Variants in DIAPH3 observed in about 807,000 individuals in gnomAD.
DIAPH3 encodes protein diaphanous homolog 3.
In DIAPH3, 117 loss-of-function variants were observed where a neutral mutation model predicts 144.3. The ratio of observed to expected loss-of-function variants is 0.81; its 90% CI spans 0.70 to 0.95. DIAPH3 has a LOEUF of 0.95. Among genes scored for constraint, DIAPH3 ranks in the 40% least tolerant of loss-of-function variants. DIAPH3 has a pLI of 0.00. For synonymous variants in DIAPH3, 519 were observed against 488.9 expected (o/e 1.06, Z -0.81); for missense variants, 1,421 against 1,412.7 (o/e 1.01, Z -0.09).
Position 60,093,860 on chromosome 13 carries a change from G to GAA in DIAPH3, c.391-129_391-128insTT. 4 of 688,430 alleles carry GAA rather than the reference G, an allele frequency of 5.8e-6. No homozygotes were observed. The South Asian group carries it at 6.5e-5, about 11-fold the overall frequency. 42.6% of individuals were successfully genotyped at this position (688,430 alleles called of 1,614,324 possible). Reference sequence around the variant, plus strand: ...TTAATTGTTTTGGAATGATTTACGTGTAGTTCTGCCTGAAGGAAGGAGAGA... The same window carrying GAA: ...TTAATTGTTTTGGAATGATTTACGTGAATAGTTCTGCCTGAAGGAAGGAGAGA... On this transcript the variant is annotated intron_variant, in intron 3 of 27. Coordinates refer to ENST00000400324, the MANE Select transcript of DIAPH3 (RefSeq NM_001042517.2).
At chr13:59,714,007 G>T (rs1012818918) in intron 27 of DIAPH3, among the ~76,000 whole-genome samples, 4 of 152,156 alleles carry the variant, frequency 2.6e-5, no homozygotes, top group Non-Finnish European at 5.9e-5. Flanking sequence ...CTTGATGATA[G>T]GAGTTAGAGA....
chr13:59,851,651 T>C (rs969160237), intron 22 of DIAPH3, among the ~76,000 whole-genome samples: 1 of 151,054 alleles, frequency 6.6e-6, no homozygotes, highest in Non-Finnish European at 1.5e-5. Context: ...TTTTTTTTTT[T>C]TTTTTTGAGA....
intron 4 of DIAPH3, among the ~76,000 whole-genome samples, chr13:60,071,315 CA>C (rs1251679540): frequency 6.6e-6 from 1 of 152,132 alleles, no homozygotes; most frequent in Non-Finnish European, 1.5e-5. Flanking sequence ...GTCTGCATTG[CA>C]TTCCTCAGAG....
chr13:60,002,052 C>A (rs73212294), intron 9 of DIAPH3, among the ~76,000 whole-genome samples: 37,799 of 152,022 alleles, frequency 0.25, 5,535 homozygotes, highest in Admixed American at 0.38. Flanking sequence ...GGGAAGTTTG[C>A]GCAATCACTA....
intron 2 of DIAPH3, among the ~76,000 whole-genome samples, chr13:60,115,393 A>G (rs1427462095): frequency 6.6e-6 from 1 of 152,204 alleles, no homozygotes; most frequent in East Asian, 1.9e-4. Context: ...ATCAGTTTTT[A>G]CTGAAATACG....
intron 9 of DIAPH3, among the ~76,000 whole-genome samples, chr13:59,996,422 T>C (rs1249240528): frequency 6.6e-6 from 1 of 152,090 alleles, no homozygotes; most frequent in Non-Finnish European, 1.5e-5. Flanking sequence ...ATTACTCTTG[T>C]GTCAATTATC....
chr13:59,774,846 T>A (rs1432281111), intron 25 of DIAPH3, 23 bp from the exon 26 acceptor site: 2 of 1,591,612 alleles, frequency 1.3e-6, no homozygotes, highest in Admixed American at 1.7e-5. Context: ...ATGCAGGGAA[T>A]TCCATCAGCC....
rs551767740 is a variant in DIAPH3, at chr13:59,729,599, G to T, written c.3319+44590C>A. Among the ~76,000 whole-genome samples, 8 of 151,900 alleles carry T rather than the reference G, an allele frequency of 5.3e-5. No individual in the cohort carries two copies. In the South Asian group the frequency reaches 1.7e-3, roughly 32 times the overall value. On this transcript the variant is annotated intron_variant, in intron 27 of 27. Coordinates refer to ENST00000400324, the MANE Select transcript of DIAPH3 (RefSeq NM_001042517.2). ...ATTGTGATGTTAGTTATTTATACGT[G>T]TGATAAATTGCAAAGACCTATATAC...
intron 27 of DIAPH3, among the ~76,000 whole-genome samples, chr13:59,670,884 G>A (rs959072480): frequency 6.6e-6 from 1 of 152,050 alleles, no homozygotes; most frequent in Non-Finnish European, 1.5e-5. Context: ...GCACCCGGCC[G>A]GAAGTTCACT....
intron 3 of DIAPH3, among the ~76,000 whole-genome samples, chr13:60,094,577 G>A (rs1158872956): frequency 6.6e-6 from 1 of 152,140 alleles, no homozygotes; most frequent in African/African-American, 2.4e-5. Context: ...TGAGTCATTT[G>A]TGATATGCAA....
At chr13:59,844,506 A>C (rs1329340329) in intron 22 of DIAPH3, among the ~76,000 whole-genome samples, 2 of 150,696 alleles carry the variant, frequency 1.3e-5, no homozygotes, top group African/African-American at 4.9e-5. Flanking sequence ...TCCATCCCAA[A>C]AAAAAAAAAA....
At chr13:59,945,941 A>G (rs898576754) in intron 17 of DIAPH3, among the ~76,000 whole-genome samples, 7 of 152,220 alleles carry the variant, frequency 4.6e-5, no homozygotes, top group African/African-American at 1.4e-4. Flanking sequence ...TACGAAGAAA[A>G]AATGAAGACG....
intron 23 of DIAPH3, among the ~76,000 whole-genome samples, chr13:59,834,545 T>C (rs1450353759): frequency 6.6e-6 from 1 of 151,716 alleles, no homozygotes; most frequent in African/African-American, 2.4e-5. Context: ...TGCAGGTCCT[T>C]TTCTTTGAGA....
chr13:59,987,841 G>A (rs906825602), intron 12 of DIAPH3, among the ~76,000 whole-genome samples: 1 of 151,448 alleles, frequency 6.6e-6, no homozygotes, highest in African/African-American at 2.4e-5. Flanking sequence ...TTTAATAAAT[G>A]TAAATAAAAC....
At chr13:60,077,281 G>A (rs917473336) in intron 4 of DIAPH3, among the ~76,000 whole-genome samples, 4 of 151,800 alleles carry the variant, frequency 2.6e-5, no homozygotes, top group Admixed American at 6.6e-5. Context: ...AAAATAAAAT[G>A]AGAACACTAG....
intron 25 of DIAPH3, 136 bp downstream of exon 25, chr13:59,810,652 G>A (rs894561415): frequency 1.0e-6 from 1 of 959,582 alleles, no homozygotes; most frequent in East Asian, 2.6e-5. Flanking sequence ...CATAAAGAAA[G>A]AATTGTTCTA....
intron 21 of DIAPH3, among the ~76,000 whole-genome samples, chr13:59,872,410 A>T (rs1593772136): frequency 6.6e-6 from 1 of 152,150 alleles, no homozygotes; most frequent in South Asian, 2.1e-4. Context: ...ATCTCAGGTG[A>T]TATTTTTCAG....
chr13:59,959,967 A>T (rs2049648212), intron 17 of DIAPH3, among the ~76,000 whole-genome samples: 1 of 152,196 alleles, frequency 6.6e-6, no homozygotes, highest in Non-Finnish European at 1.5e-5. Context: ...CATCACTGGG[A>T]TATTGAATTA....
chr13:60,068,944 T>C (rs2057088280), intron 4 of DIAPH3, among the ~76,000 whole-genome samples: 1 of 151,862 alleles, frequency 6.6e-6, no homozygotes. Context: ...AGTGCTGCAA[T>C]GAACATGTGC....
Sources: allele counts gnomAD v4.1 joint callset (sites outside exome capture counted in the v4.1 genomes callset), GRCh38; gene constraint gnomAD v4.1.1; transcripts MANE v1.5; gene names NCBI Gene and HGNC (gene_info 2026-07-23, HGNC 2026-07-21).